MORN1: variants seen among roughly 807,000 people sequenced by gnomAD.
The protein encoded by MORN1 is MORN repeat-containing protein 1.
A neutral mutation model predicts 61.9 loss-of-function variants in MORN1; 67 were observed. That is an observed-to-expected ratio of 1.08 (90% CI 0.89 to 1.33). MORN1 has a LOEUF of 1.33. Ranked by LOEUF, MORN1 falls within the 40% of genes most tolerant of loss-of-function variation. The pLI, the probability that MORN1 is intolerant of heterozygous loss-of-function variation, is 0.00. For missense variants in MORN1, 752 were observed against 691.2 expected (o/e 1.09, Z -0.99); for synonymous variants, 301 against 292.0 (o/e 1.03, Z -0.31).
chr1:2,383,777 A>T (rs1385030775), intron 6 of MORN1, among the ~76,000 whole-genome samples: 1 of 152,194 alleles, frequency 6.6e-6, no homozygotes, highest in Non-Finnish European at 1.5e-5. Flanking sequence ...AGCCTCACAC[A>T]GCAGCACCTG....
At chr1:2,348,865 G>C (rs1569965124) in intron 10 of MORN1, among the ~76,000 whole-genome samples, 1 of 139,258 alleles carries the variant, frequency 7.2e-6, no homozygotes, top group Admixed American at 7.1e-5. Flanking sequence ...ACAGTCATGT[G>C]CACGCACACA....
At position 2,326,041 on chromosome 1, in the gene MORN1, G is replaced by T. The variant is rs374917963; in HGVS notation, c.1251-1898C>A. Among the ~76,000 whole-genome samples, 20 of 152,122 alleles carry T rather than the reference G, an allele frequency of 1.3e-4. 2 individuals carry two copies. Among genetic ancestry groups the T allele is most frequent in the Admixed American group, 9.8e-4 (15 of 15,260 alleles). On this transcript the variant is annotated intron_variant, in intron 12 of 13. Transcript: ENST00000378531. ...TGGCACCCTCCCGCGGCCTCCTCCCGCCGTCCTGCCCGCTGTGGCTGGCCA... is the reference window on the plus strand; with the variant it reads ...TGGCACCCTCCCGCGGCCTCCTCCCTCCGTCCTGCCCGCTGTGGCTGGCCA...
intron 12 of MORN1, among the ~76,000 whole-genome samples, chr1:2,333,438 G>A (rs531140052): frequency 1.3e-5 from 2 of 152,232 alleles, no homozygotes; most frequent in Non-Finnish European, 2.9e-5. Flanking sequence ...GAGTGGCCTC[G>A]GGCCTGGAGA....
At chr1:2,329,364 C>T (rs75213181) in intron 12 of MORN1, among the ~76,000 whole-genome samples, 2,738 of 152,312 alleles carry the variant, frequency 0.018, 89 homozygotes, top group Non-Finnish European at 0.018. Context: ...CCAGTCAATC[C>T]CTTTCTCTCG....
Position 2,369,716 on chromosome 1 carries a change from AT to A in MORN1, c.745+2764del, listed in dbSNP as rs554247728. On this transcript the variant is annotated intron_variant, in intron 8 of 13. Coordinates refer to ENST00000378531, the MANE Select transcript of MORN1 (RefSeq NM_024848.3). Reference sequence around the variant, plus strand: ...ACAAATTTATCAGCATTTAGAAATAATTAATAAAATAATTATAATTCAATAT... The same window carrying A: ...ACAAATTTATCAGCATTTAGAAATAATAATAAAATAATTATAATTCAATAT... Among the ~76,000 whole-genome samples the A allele has an allele frequency of 2.7e-4, 28 of 104,974 alleles. No homozygotes were observed. The South Asian group carries it at 0.012, about 46-fold the overall frequency. The allele number at this position is 104,974 out of a possible 152,430, so 68.9% of individuals were successfully genotyped here. A position where few individuals can be genotyped will look rare whatever the true frequency, so the allele number is the denominator to read the frequency against.
chr1:2,355,234 G>T (rs1641737134), intron 10 of MORN1: 1 of 1,409,630 alleles, frequency 7.1e-7, no homozygotes, highest in African/African-American at 1.5e-5. Flanking sequence ...GTGTGGAACT[G>T]CTTCTATCAA....
rs544967150 is a variant in MORN1 at position 2,351,415 on chromosome 1, C to T, written c.1036+6017G>A. Reference sequence around the variant, plus strand: ...GTGGCTGGAGACTCAGGTCCTTGCCCGCCAGCCCTCTCTGGGACTTTCGAG... The same window carrying T: ...GTGGCTGGAGACTCAGGTCCTTGCCTGCCAGCCCTCTCTGGGACTTTCGAG... On this transcript the variant is annotated intron_variant, in intron 10 of 13. Transcript: ENST00000378531. 3.4e-4 allele frequency: 55 copies of T among 160,030 alleles called. 1 individual carries two copies. The highest frequency in any genetic ancestry group is 1.1e-3 in the African/African-American group (47 of 41,612). The allele number at this position is 160,030 out of a possible 1,614,324, so 9.9% of individuals were successfully genotyped here. A position where few individuals can be genotyped will look rare whatever the true frequency, so the allele number is the denominator to read the frequency against.
At chr1:2,374,906 G>GT (rs1306400004) in intron 6 of MORN1, 3 of 226,628 alleles carry the variant, frequency 1.3e-5, no homozygotes, top group Non-Finnish European at 2.6e-5. Context: ...TTTGTGGCAT[G>GT]TATCATAAAG....
In MORN1 at chr1:2,337,786, G is replaced by A. The variant is rs1051842669; in HGVS notation, c.1037-936C>T. Among the ~76,000 whole-genome samples the A allele has an allele frequency of 1.3e-5, 2 of 152,172 alleles. No homozygotes were observed. The highest frequency in any genetic ancestry group is 2.1e-4 in the South Asian group (1 of 4,836). On this transcript the variant is annotated intron_variant, in intron 10 of 13. Coordinates refer to ENST00000378531, the MANE Select transcript of MORN1 (RefSeq NM_024848.3). This position sits in a 1 kb window ranked among gnomAD's most constrained non-coding sequence, Gnocchi z 5.7. ...CGGGATGTGGTGAGGGCTGGAGGTC[G>A]GCACCAGAGCTGGCTGGACAGGGGA...
intron 7 of MORN1, among the ~76,000 whole-genome samples, chr1:2,373,619 G>A (rs1012812789): frequency 6.6e-6 from 1 of 152,178 alleles, no homozygotes; most frequent in African/African-American, 2.4e-5. Context: ...AAGCACCTGG[G>A]CCGGGACCCA....
At chr1:2,378,645 C>T (rs1016309254) in intron 6 of MORN1, 11 of 298,856 alleles carry the variant, frequency 3.7e-5, no homozygotes, top group South Asian at 1.2e-4. Flanking sequence ...CAGGGATGCC[C>T]GGAGGGCCGC....
intron 10 of MORN1, among the ~76,000 whole-genome samples, chr1:2,346,986 A>G (rs988207110): frequency 1.3e-5 from 2 of 152,012 alleles, no homozygotes; most frequent in Non-Finnish European, 2.9e-5. Flanking sequence ...CCTTCCTCCT[A>G]GGAGAGGGAC....
At position 2,364,942 on chromosome 1, in the gene MORN1, C is replaced by G. The variant is rs1641968460; in HGVS notation, c.746-6227G>C. ...TATATTTCTGTTTTGGTACCAGTACCATGCTGTTTTGGTTACTGTAGCCTT... is the reference window on the plus strand; with the variant it reads ...TATATTTCTGTTTTGGTACCAGTACGATGCTGTTTTGGTTACTGTAGCCTT... On this transcript the variant is annotated intron_variant, in intron 8 of 13. Transcript: ENST00000378531. 3.9e-5 allele frequency among the ~76,000 whole-genome samples: 6 copies of G among 152,286 alleles called. No homozygotes were observed. In the South Asian group the frequency reaches 1.2e-3, roughly 32 times the overall value.
chr1:2,331,572 C>G (rs1233316627), intron 12 of MORN1, among the ~76,000 whole-genome samples: 1 of 152,144 alleles, frequency 6.6e-6, no homozygotes, highest in Non-Finnish European at 1.5e-5. Flanking sequence ...CTGAGGGGGA[C>G]CTGGTGGCCT....
At chr1:2,323,190 G>A in intron 13 of MORN1, 1 of 985,414 alleles carries the variant, frequency 1.0e-6, no homozygotes, top group Non-Finnish European at 1.2e-6. Context: ...GACCACGGGG[G>A]ACACCGCGTG....
chr1:2,331,924 G>A (rs1376694391), intron 12 of MORN1, among the ~76,000 whole-genome samples: 7 of 117,604 alleles, frequency 6.0e-5, no homozygotes, highest in Middle Eastern at 5.6e-3. Flanking sequence ...CCGCCCCTGC[G>A]CCTCTCCCTC....
intron 11 of MORN1, 71 bp from the exon 12 acceptor site, chr1:2,336,619 C>G: frequency 6.3e-7 from 1 of 1,591,118 alleles, no homozygotes; most frequent in Non-Finnish European, 8.6e-7. Flanking sequence ...CTGCTCCAAC[C>G]CCCCTGGGGC....
rs563013186 is a variant in MORN1 at position 2,334,418 on chromosome 1, C to T, written c.1250+2051G>A. Among the ~76,000 whole-genome samples, 1 of 152,332 alleles carries T rather than the reference C, an allele frequency of 6.6e-6. No homozygotes were observed. Among genetic ancestry groups the T allele is most frequent in the Admixed American group, 6.5e-5 (1 of 15,308 alleles). ...GCCCTTCACCTCCATGCTGGGTTCT[C>T]AACCCAGGAGCGGGCAGAGCTTACG... On this transcript the variant is annotated intron_variant, in intron 12 of 13. Coordinates refer to ENST00000378531, the MANE Select transcript of MORN1 (RefSeq NM_024848.3). The surrounding 1 kb of genome is among the most constrained non-coding windows in gnomAD (Gnocchi z 5.4).
chr1:2,327,119 C>A (rs1246772760), intron 12 of MORN1, among the ~76,000 whole-genome samples: 1 of 148,868 alleles, frequency 6.7e-6, no homozygotes, highest in Non-Finnish European at 1.5e-5. Flanking sequence ...CACAGAAACA[C>A]AGAAACAAAC....
Sources: gnomAD v4.1 joint callset for allele counts (sites outside exome capture counted in the v4.1 genomes callset) on GRCh38, gnomAD v4.1.1 for gene constraint, Gnocchi (gnomAD v3.1) non-coding constraint, MANE v1.5 for transcripts, NCBI Gene and HGNC (gene_info 2026-07-23, HGNC 2026-07-21) for gene names.